Variants in SLC35F4 observed in about 807,000 individuals in gnomAD.
The protein encoded by SLC35F4 is solute carrier family 35 member F4, also known as chromosome 14 open reading frame 36.
Under a neutral mutation model 44.2 loss-of-function variants are expected in SLC35F4, and 24 were observed. That is an observed-to-expected ratio of 0.54 (90% CI 0.39 to 0.76). The LOEUF is 0.76. Ranked by LOEUF, SLC35F4 falls within the 30% of genes least tolerant of loss-of-function variation. The pLI, the probability that SLC35F4 is intolerant of heterozygous loss-of-function variation, is 0.00. For missense variants in SLC35F4, 562 were observed against 586.1 expected (o/e 0.96, Z 0.42); for synonymous variants, 238 against 223.6 (o/e 1.06, Z -0.57).
rs146409502 is a variant in SLC35F4, at chr14:57,931,545, T to C, written n.282+50368A>G. 4.7e-4 allele frequency among the ~76,000 whole-genome samples: 71 copies of C among 152,282 alleles called. 1 individual carries two copies. The highest frequency in any genetic ancestry group is 3.0e-3 in the Admixed American group (46 of 15,296). On this transcript the variant is annotated intron_variant and non_coding_transcript_variant, in intron 1 of 1. Coordinates refer to the SLC35F4 transcript ENST00000556568. Reference sequence around the variant, plus strand: ...CTATCCCATTAAAAATGAGAAACTATAGTGCAAATAATATGAAAATAAAAT... The same window carrying C: ...CTATCCCATTAAAAATGAGAAACTACAGTGCAAATAATATGAAAATAAAAT...
chr14:57,744,190 A>G (rs1419404570), intron 1 of SLC35F4, among the ~76,000 whole-genome samples: 4 of 152,030 alleles, frequency 2.6e-5, no homozygotes, highest in Non-Finnish European at 5.9e-5. Context: ...CCTCTCTCAC[A>G]CTCCTATTCA....
At chr14:57,740,165 C>A (rs2076569479) in intron 1 of SLC35F4, among the ~76,000 whole-genome samples, 1 of 152,070 alleles carries the variant, frequency 6.6e-6, no homozygotes, top group African/African-American at 2.4e-5. Flanking sequence ...ATTTAAAATG[C>A]AAGACAATGA....
In SLC35F4 at chr14:57,926,729, G is replaced by A. The variant is rs989940176; in HGVS notation, n.282+55184C>T. ...AATATAACAATGAAGTAGGGTTGGG[G>A]GGGGGGGGTGGATATATATAGCCAA... is the stretch of plus-strand genomic sequence containing the variant. On this transcript the variant is annotated intron_variant and non_coding_transcript_variant, in intron 1 of 1. Coordinates refer to the SLC35F4 transcript ENST00000556568. Among the ~76,000 whole-genome samples the A allele has an allele frequency of 6.6e-4, 47 of 70,854 alleles. 1 individual carries two copies. The highest frequency in any genetic ancestry group is 8.9e-4 in the Non-Finnish European group (36 of 40,322). The allele number at this position is 70,854 out of a possible 152,430, so 46.5% of individuals were successfully genotyped here. A position where few individuals can be genotyped will look rare whatever the true frequency, so the allele number is the denominator to read the frequency against.
chr14:57,599,228 G>A (rs2070671685), intron 1 of SLC35F4, among the ~76,000 whole-genome samples: 2 of 152,306 alleles, frequency 1.3e-5, no homozygotes, highest in South Asian at 4.1e-4. Flanking sequence ...AGGAAGAGAT[G>A]GCAAACTCAA....
intron 1 of SLC35F4, among the ~76,000 whole-genome samples, chr14:57,636,093 G>A (rs2073005399): frequency 6.6e-6 from 1 of 152,122 alleles, no homozygotes; most frequent in African/African-American, 2.4e-5. Flanking sequence ...GCAAACCAAT[G>A]TTTGCTTCAC....
At chr14:57,758,298 T>C (rs1166887806) in intron 1 of SLC35F4, among the ~76,000 whole-genome samples, 1 of 152,140 alleles carries the variant, frequency 6.6e-6, no homozygotes, top group East Asian at 1.9e-4. Context: ...TAATTACCCA[T>C]ATATATGCCT....
intron 1 of SLC35F4, among the ~76,000 whole-genome samples, chr14:57,744,871 T>C (rs1212353896): frequency 2.0e-5 from 3 of 152,192 alleles, no homozygotes; most frequent in African/African-American, 4.8e-5. Flanking sequence ...CAAAACAGCA[T>C]GGTACTGGTA....
chr14:57,809,268 C>T lies in SLC35F4; in HGVS notation c.103+56455G>A, dbSNP rs1211107379. ...GAGACAGTGTTAAGTGTCTCTCCCTCCCCCATTTCATTTGCCTCCTAGTCA... is the reference window on the plus strand; with the variant it reads ...GAGACAGTGTTAAGTGTCTCTCCCTTCCCCATTTCATTTGCCTCCTAGTCA... On this transcript the variant is annotated intron_variant, in intron 1 of 7. Coordinates refer to ENST00000556826, the MANE Select transcript of SLC35F4 (RefSeq NM_001306087.2). 7.2e-5 allele frequency among the ~76,000 whole-genome samples: 11 copies of T among 152,274 alleles called. No individual in the cohort carries two copies. In the East Asian group the frequency reaches 1.7e-3, roughly 24 times the overall value.
At chr14:57,658,672 T>G (rs935335096) in intron 1 of SLC35F4, among the ~76,000 whole-genome samples, 2 of 152,192 alleles carry the variant, frequency 1.3e-5, no homozygotes, top group African/African-American at 4.8e-5. Flanking sequence ...AAACCAGATA[T>G]GGCTCTCGTT....
intron 1 of SLC35F4, among the ~76,000 whole-genome samples, chr14:57,776,665 C>CAAAAAAAAAAAA (rs57272978): frequency 3.3e-4 from 24 of 72,070 alleles, no homozygotes; most frequent in African/African-American, 1.1e-3. Context: ...GACTCCATCT[C>CAAAAAAAAAAAA]AAAAAAAAAA....
upstream of SLC35F4, among the ~76,000 whole-genome samples, chr14:57,866,679 A>T (rs1193720063): frequency 6.6e-6 from 1 of 152,160 alleles, no homozygotes; most frequent in African/African-American, 2.4e-5. Context: ...TTATTTTTCC[A>T]ATTTCAAATG....
intron 1 of SLC35F4, among the ~76,000 whole-genome samples, chr14:57,622,059 A>T (rs2072211297): frequency 6.7e-6 from 1 of 149,814 alleles, no homozygotes; most frequent in South Asian, 2.1e-4. Flanking sequence ...CAAAAAACAC[A>T]TGAAAAAATG....
At position 57,619,277 on chromosome 14, in the gene SLC35F4, C is replaced by G. The variant is rs112093159; in HGVS notation, c.104-25153G>C. ...CCTCCAAGTGGGGGCTGACAGACAC[C>G]TCATACAGGAGTGCTCTGGCTGGCA... On this transcript the variant is annotated intron_variant, in intron 1 of 7. Transcript: ENST00000556826. Among the ~76,000 whole-genome samples the G allele has an allele frequency of 9.1e-3, 1,391 of 152,298 alleles. 6 individuals carry two copies. Among genetic ancestry groups the G allele is most frequent in the Non-Finnish European group, 0.014 (945 of 68,022 alleles).
intron 1 of SLC35F4, among the ~76,000 whole-genome samples, chr14:57,826,523 T>A (rs1339862852): frequency 1.3e-5 from 2 of 152,000 alleles, no homozygotes; most frequent in African/African-American, 4.8e-5. Context: ...GGGATATAAT[T>A]AAACTAAAGA....
At chr14:57,728,931 T>C (rs1383533041) in intron 1 of SLC35F4, among the ~76,000 whole-genome samples, 1 of 152,182 alleles carries the variant, frequency 6.6e-6, no homozygotes, top group Non-Finnish European at 1.5e-5. Context: ...ACCAGATACA[T>C]TATTCTAGGG....
At chr14:57,829,205 A>G (rs544972461) in intron 1 of SLC35F4, among the ~76,000 whole-genome samples, 2 of 152,326 alleles carry the variant, frequency 1.3e-5, no homozygotes, top group East Asian at 3.9e-4. Flanking sequence ...ATTAAATGAA[A>G]ATTAAACCAG....
At chr14:57,837,845 G>A (rs1000769077) in intron 1 of SLC35F4, among the ~76,000 whole-genome samples, 5 of 152,124 alleles carry the variant, frequency 3.3e-5, no homozygotes, top group African/African-American at 1.2e-4. Flanking sequence ...TCAGAATACT[G>A]CTCACCTCCC....
chr14:57,788,688 C>T (rs138911626), intron 1 of SLC35F4, among the ~76,000 whole-genome samples: 40 of 152,228 alleles, frequency 2.6e-4, no homozygotes, highest in African/African-American at 9.1e-4. Context: ...ACAGGACTCT[C>T]GACCCCAAAT....
chr14:57,929,906 T>C (rs1364487040), intron 1 of SLC35F4, among the ~76,000 whole-genome samples: 1 of 152,152 alleles, frequency 6.6e-6, no homozygotes, highest in African/African-American at 2.4e-5. Flanking sequence ...ACCGACAGTC[T>C]GGGTGCTTTT....
Sources: allele counts gnomAD v4.1 joint callset (sites outside exome capture counted in the v4.1 genomes callset), GRCh38; gene constraint gnomAD v4.1.1; transcripts MANE v1.5; gene names NCBI Gene and HGNC (gene_info 2026-07-23, HGNC 2026-07-21).